The following NPRL3 variants were observed in gnomAD, a reference collection of about 807,000 sequenced individuals.
NPRL3 encodes the protein GATOR1 complex protein NPRL3.
NPRL3 carries 23 observed loss-of-function variants against 57.2 expected under a neutral mutation model. The observed-to-expected ratio is 0.40, with a 90% CI of 0.29 to 0.57. The LOEUF is 0.57. Ranked by LOEUF, NPRL3 falls within the 20% of genes least tolerant of loss-of-function variation. NPRL3 has a pLI of 0.42. For missense variants in NPRL3, 691 were observed against 767.1 expected (o/e 0.90, Z 1.17); for synonymous variants, 333 against 321.1 (o/e 1.04, Z -0.39).
In NPRL3 at chr16:112,749, G is replaced by A. The variant is rs1330216548; in HGVS notation, c.420C>T (p.Asn140=). 2 of 1,608,746 alleles carry A rather than the reference G, an allele frequency of 1.2e-6. No individual in the cohort carries two copies. Among genetic ancestry groups the A allele is most frequent in the Middle Eastern group, 3.3e-4 (2 of 6,040 alleles). Residue 140 remains asparagine (N), a synonymous_variant, in exon 6 of 14, where the codon AAC becomes AAT. Transcript: ENST00000611875. ...LRANADPSVI[N]CLHNLSRRIA... ...TACGACGGGACAGGTTATGCAGACAGTTTATCACTGACGGGTCTGCGTTGG... is the reference window on the plus strand; with the variant it reads ...TACGACGGGACAGGTTATGCAGACAATTTATCACTGACGGGTCTGCGTTGG...
At chr16:133,018 GAACT>G (rs1436927416) in intron 2 of NPRL3, among the ~76,000 whole-genome samples, 2 of 152,110 alleles carry the variant, frequency 1.3e-5, no homozygotes, top group Non-Finnish European at 2.9e-5. Flanking sequence ...TAAATCTCAT[GAACT>G]AACTTCTGCT....
chr16:117,513 T>C (rs926277452), intron 4 of NPRL3, 138 bp from the exon 5 acceptor site: 10 of 627,534 alleles, frequency 1.6e-5, no homozygotes, highest in Non-Finnish European at 2.5e-5. Flanking sequence ...GCCTTTGCTC[T>C]GGAGGCGTGC....
intron 2 of NPRL3, among the ~76,000 whole-genome samples, chr16:134,694 A>ATTTTTTTTT (rs34425237): frequency 4.2e-4 from 43 of 103,420 alleles, no homozygotes; most frequent in East Asian, 8.0e-4. Context: ...AATTATTATT[A>ATTTTTTTTT]TTTTTTTTTT....
Position 85,688 on chromosome 16 carries a change from TG to T in NPRL3, c.*1016del. On this transcript the variant is annotated 3_prime_UTR_variant, in exon 14 of 14. Transcript: ENST00000611875. ...GGTGGGCGTCGGCCATGCAGGGGAG[TG>T]GGCCCGGAAACCCCTCCGCTTCTAT... The T allele has an allele frequency of 1.3e-6, 2 of 1,554,126 alleles. No individual in the cohort carries two copies. Among genetic ancestry groups the T allele is most frequent in the South Asian group, 2.4e-5 (2 of 82,798 alleles).
chr16:86,819 G>C lies in NPRL3; in HGVS notation c.1596C>G (p.Asn532Lys). ...GRHHLEEIMYNENTRRSQLLM... is the reference protein window; with the variant it reads ...GRHHLEEIMYKENTRRSQLLM... ...GCAGCTGGGAGCGCCGCGTGTTCTC[G>C]TTGTACATAATCTCCTCCAGGTGGT... is the stretch of plus-strand genomic sequence containing the variant. Residue 532 changes from asparagine to lysine, a missense_variant, in exon 14 of 14, where the codon AAC becomes AAG. Transcript: ENST00000611875. The C allele has an allele frequency of 6.2e-7, 1 of 1,613,390 alleles. No homozygotes were observed. Among genetic ancestry groups the C allele is most frequent in the Admixed American group, 1.7e-5 (1 of 59,962 alleles).
intron 11 of NPRL3, among the ~76,000 whole-genome samples, chr16:92,300 C>G (rs778902860): frequency 2.0e-5 from 3 of 152,174 alleles, no homozygotes; most frequent in Non-Finnish European, 4.4e-5. Context: ...AAAAGGTAAG[C>G]ACTCTCCTGC....
intron 2 of NPRL3, among the ~76,000 whole-genome samples, chr16:132,266 C>T (rs1900846075): frequency 6.6e-6 from 1 of 152,194 alleles, no homozygotes; most frequent in African/African-American, 2.4e-5. Context: ...CCTCAGCCTC[C>T]CAAGTGTTGG....
At chr16:115,862 G>C (rs1166938752) in intron 5 of NPRL3, among the ~76,000 whole-genome samples, 1 of 152,174 alleles carries the variant, frequency 6.6e-6, no homozygotes, top group Admixed American at 6.5e-5. Flanking sequence ...CACCCTTGAT[G>C]GCAAGAGGAT....
chr16:138,288 G>A lies in NPRL3; in HGVS notation c.-21C>T, dbSNP rs1483130115. The A allele has an allele frequency of 8.3e-6, 13 of 1,563,770 alleles. No homozygotes were observed. Among genetic ancestry groups the A allele is most frequent in the East Asian group, 2.3e-5 (1 of 42,558 alleles). ...CGCATCCCGCCGTGGGGCCGGGGCCGGGGGCGGAGGGGGCCAGAGGAGGAC... is the reference window on the plus strand; with the variant it reads ...CGCATCCCGCCGTGGGGCCGGGGCCAGGGGCGGAGGGGGCCAGAGGAGGAC... On this transcript the variant is annotated 5_prime_UTR_variant, in exon 2 of 14. Coordinates refer to ENST00000611875, the MANE Select transcript of NPRL3 (RefSeq NM_001077350.3).
intron 7 of NPRL3, among the ~76,000 whole-genome samples, chr16:103,325 T>TTTTTTG (rs1899389976): frequency 7.7e-6 from 1 of 129,700 alleles, no homozygotes; most frequent in Non-Finnish European, 1.6e-5. Context: ...TTTTTTTTTT[T>TTTTTTG]GTAGAGACAG....
intron 4 of NPRL3, 124 bp downstream of exon 4, chr16:118,982 CCACCTGCCCAAGGAGAGCCA>C (rs1445854485): frequency 8.2e-7 from 1 of 1,216,934 alleles, no homozygotes; most frequent in Non-Finnish European, 1.1e-6. Context: ...AGGGGGAGCC[CCACCTGCCCAAGGAGAGCCA>C]CACCTGCCCA....
Position 119,031 on chromosome 16 carries a change from C to G in NPRL3, c.318+95G>C, listed in dbSNP as rs1900169518. 4 of 1,471,800 alleles carry G rather than the reference C, an allele frequency of 2.7e-6. No individual in the cohort carries two copies. The African/African-American group carries it at 7.7e-5, about 28-fold the overall frequency. 91.2% of individuals were successfully genotyped at this position (1,471,800 alleles called of 1,614,324 possible). The stretch of plus-strand genomic sequence containing the variant: ...CTGCCCAGGGGAAGCCACACCTGCC[C>G]AAGGAGAGCCACACCTGCCCAAGGA... On this transcript the variant is annotated intron_variant, in intron 4 of 13. Transcript: ENST00000611875.
Position 100,640 on chromosome 16 carries a change from G to A in NPRL3, c.630-131C>T, listed in dbSNP as rs1899242321. 18 of 869,966 alleles carry A rather than the reference G, an allele frequency of 2.1e-5. No individual in the cohort carries two copies. In the South Asian group the frequency reaches 5.8e-4, roughly 28 times the overall value. 53.9% of individuals were successfully genotyped at this position (869,966 alleles called of 1,614,324 possible). The stretch of plus-strand genomic sequence containing the variant: ...AAACTGCAGGTGGAGACCCGGGCAG[G>A]AGAGCATCTCTTAAGATCACATTAT... On this transcript the variant is annotated intron_variant, in intron 7 of 13. Coordinates refer to ENST00000611875, the MANE Select transcript of NPRL3 (RefSeq NM_001077350.3).
chr16:117,652 G>T (rs1900102570), intron 4 of NPRL3, among the ~76,000 whole-genome samples: 1 of 152,154 alleles, frequency 6.6e-6, no homozygotes, highest in Non-Finnish European at 1.5e-5. Context: ...GGCATAAATG[G>T]GTGGAGGACC....
chr16:107,582 G>GA (rs1390711801), intron 7 of NPRL3, among the ~76,000 whole-genome samples: 3 of 123,528 alleles, frequency 2.4e-5, no homozygotes, highest in African/African-American at 9.3e-5. Context: ...GCAACAGAAG[G>GA]ATATTCCATC....
chr16:85,399 A>G lies in NPRL3; in HGVS notation c.*1306T>C, dbSNP rs754858141. On this transcript the variant is annotated 3_prime_UTR_variant, in exon 14 of 14. Coordinates refer to ENST00000611875, the MANE Select transcript of NPRL3 (RefSeq NM_001077350.3). The stretch of plus-strand genomic sequence containing the variant: ...TCCACTTCCAAACTGTCCGTCCCAC[A>G]GGGGACGGGGCTTGCGTCTTGCTGC... 1 of 1,599,628 alleles carries G rather than the reference A, an allele frequency of 6.3e-7. No individual in the cohort carries two copies. Among genetic ancestry groups the G allele is most frequent in the Admixed American group, 1.7e-5 (1 of 58,982 alleles).
intron 7 of NPRL3, among the ~76,000 whole-genome samples, chr16:101,814 G>A (rs1428155057): frequency 6.6e-6 from 1 of 152,204 alleles, no homozygotes; most frequent in African/African-American, 2.4e-5. Context: ...ACTCTCTGCA[G>A]ACGCCCCAAG....
chr16:126,039 T>A (rs1900500154), intron 3 of NPRL3: 1 of 152,138 alleles, frequency 6.6e-6, no homozygotes, highest in Non-Finnish European at 1.5e-5. Flanking sequence ...CTGAGGACAG[T>A]AGCAGTGCCA....
At position 92,630 on chromosome 16, in the gene NPRL3, T is replaced by G; in HGVS notation, c.1127A>C (p.Glu376Ala). ...AGCGGGGGCCAGGGGATTCCTAAAT[T>G]CTGACAAGGAGACCGGCAAGGAGAA... ...AKFSLPVSLS[E>A]FRNPLAPAVQ... The change falls in exon 11 of 14, where the codon GAA becomes GCA. Residue 376 changes from glutamate (E) to alanine (A), a missense_variant. Transcript: ENST00000611875. The G allele has an allele frequency of 6.2e-7, 1 of 1,613,480 alleles. No homozygotes were observed. Among genetic ancestry groups the G allele is most frequent in the Middle Eastern group, 1.6e-4 (1 of 6,062 alleles).
Sources: gnomAD v4.1 joint callset for allele counts (sites outside exome capture counted in the v4.1 genomes callset) on GRCh38, gnomAD v4.1.1 for gene constraint, MANE v1.5 for transcripts, NCBI Gene and HGNC (gene_info 2026-07-23, HGNC 2026-07-21) for gene names.